Variants in PLAAT2 observed in about 807,000 individuals in gnomAD.
PLAAT2 encodes phospholipase A and acyltransferase 2, also known as HRAS like suppressor 2.
A neutral mutation model predicts 12.8 loss-of-function variants in PLAAT2; 12 were observed. The ratio of observed to expected loss-of-function variants is 0.94; its 90% CI spans 0.60 to 1.52. PLAAT2 has a LOEUF of 1.52. Among genes scored for constraint, PLAAT2 ranks in the 40% most tolerant of loss-of-function variants. The probability of loss-of-function intolerance (pLI) is 0.00; values close to 1 mark genes in which losing one functional copy is unlikely to be tolerated. For synonymous variants in PLAAT2, 79 were observed against 86.8 expected (o/e 0.91, Z 0.50); for missense variants, 166 against 208.1 (o/e 0.80, Z 1.24).
At chr11:63,561,604 C>T (rs1448292391) in intron 1 of PLAAT2, among the ~76,000 whole-genome samples, 1 of 141,172 alleles carries the variant, frequency 7.1e-6, no homozygotes, top group African/African-American at 2.7e-5. Flanking sequence ...GAGATCGTGC[C>T]ACTGCACTCC....
At position 63,561,096 on chromosome 11, in the gene PLAAT2, G is replaced by A. The variant is rs181064776; in HGVS notation, c.10-903C>T. ...GCCACAAAGGAGTTGAACTGCTGCC[G>A]AGGGTGGTGAGAGTGCCAGCCAACT... is the stretch of plus-strand genomic sequence containing the variant. On this transcript the variant is annotated intron_variant, in intron 1 of 3. Coordinates refer to ENST00000255695, the MANE Select transcript of PLAAT2 (RefSeq NM_017878.2). 6.3e-4 allele frequency among the ~76,000 whole-genome samples: 96 copies of A among 152,358 alleles called. 2 individuals are homozygous for A. The highest frequency in any genetic ancestry group is 5.7e-3 in the Admixed American group (87 of 15,304).
At chr11:63,561,087 ACTG>A (rs2017514030) in intron 1 of PLAAT2, among the ~76,000 whole-genome samples, 1 of 152,194 alleles carries the variant, frequency 6.6e-6, no homozygotes, top group Non-Finnish European at 1.5e-5. Flanking sequence ...AAGGAGTTGA[ACTG>A]CTGCCGAGGG....
At chr11:63,562,978 A>G (rs2017531689) in intron 1 of PLAAT2, among the ~76,000 whole-genome samples, 1 of 152,202 alleles carries the variant, frequency 6.6e-6, no homozygotes, top group Non-Finnish European at 1.5e-5. Context: ...GGGTAAACCA[A>G]GGGCTGCTCT....
chr11:63,563,988 A>G (rs2017542687), upstream of PLAAT2, among the ~76,000 whole-genome samples: 1 of 152,120 alleles, frequency 6.6e-6, no homozygotes, highest in South Asian at 2.1e-4. Context: ...ACCATGGGGG[A>G]AAATTTCAAA....
chr11:63,560,544 C>T (rs2017510012), intron 1 of PLAAT2, among the ~76,000 whole-genome samples: 3 of 152,148 alleles, frequency 2.0e-5, no homozygotes, highest in Non-Finnish European at 2.9e-5. Flanking sequence ...TGCATGATTC[C>T]GAAGGAAGCC....
chr11:63,558,562 T>G lies in PLAAT2; in HGVS notation c.217A>C (p.Asn73His). ...TCGTGCTTGTTATTGACCCTGTAGTTGTCTCCCCCAGCCACCACAGACAGC... is the reference window on the plus strand; with the variant it reads ...TCGTGCTTGTTATTGACCCTGTAGTGGTCTCCCCCAGCCACCACAGACAGC... Reference protein sequence around the residue: ...ELLSVVAGGDNYRVNNKHDDR... With the variant: ...ELLSVVAGGDHYRVNNKHDDR... The change falls in exon 3 of 4, where the codon AAC becomes CAC. Residue 73 changes from asparagine (N) to histidine (H), a missense_variant. Transcript: ENST00000255695. 1 of 1,614,258 alleles carries G rather than the reference T, an allele frequency of 6.2e-7. No individual in the cohort carries two copies. The highest frequency in any genetic ancestry group is 8.5e-7 in the Non-Finnish European group (1 of 1,180,048).
chr11:63,557,121 A>G (rs771998665), intron 3 of PLAAT2, among the ~76,000 whole-genome samples: 3 of 152,254 alleles, frequency 2.0e-5, no homozygotes, highest in Non-Finnish European at 2.9e-5. Flanking sequence ...ACATGTACAC[A>G]AATATGTAAT....
intron 3 of PLAAT2, among the ~76,000 whole-genome samples, chr11:63,554,794 T>C (rs1488371493): frequency 6.6e-6 from 1 of 151,986 alleles, no homozygotes; most frequent in Non-Finnish European, 1.5e-5. Flanking sequence ...GGAGTATCAA[T>C]GAATTTGAAG....
chr11:63,556,542 C>T (rs2017468401), intron 3 of PLAAT2, among the ~76,000 whole-genome samples: 2 of 152,074 alleles, frequency 1.3e-5, no homozygotes, highest in Admixed American at 6.5e-5. Flanking sequence ...GAGGGGAGAC[C>T]CTGTCAGCAG....
upstream of PLAAT2, among the ~76,000 whole-genome samples, chr11:63,564,127 A>G (rs1041710531): frequency 1.3e-5 from 2 of 152,218 alleles, no homozygotes; most frequent in African/African-American, 4.8e-5. Flanking sequence ...TATTGGAGGC[A>G]CATTCCTCTA....
Position 63,553,109 on chromosome 11 carries a change from G to A in PLAAT2, c.388-44C>T, listed in dbSNP as rs754890824. ...GAGAGCACACTCAGCATCAGGGCGG[G>A]ACCACGATACATACACCAGGAAACT... is the stretch of plus-strand genomic sequence containing the variant. On this transcript the variant is annotated intron_variant, in intron 3 of 3. Coordinates refer to ENST00000255695, the MANE Select transcript of PLAAT2 (RefSeq NM_017878.2). 51 of 1,248,938 alleles carry A rather than the reference G, an allele frequency of 4.1e-5. No individual in the cohort carries two copies. In the East Asian group the frequency reaches 1.2e-3, roughly 28 times the overall value. 77.4% of individuals were successfully genotyped at this position (1,248,938 alleles called of 1,614,324 possible).
At chr11:63,561,561 C>T (rs2017518471) in intron 1 of PLAAT2, among the ~76,000 whole-genome samples, 1 of 139,934 alleles carries the variant, frequency 7.1e-6, no homozygotes, top group Non-Finnish European at 1.5e-5. Context: ...ATGAGAATTG[C>T]TTGAACCCGG....
intron 3 of PLAAT2, among the ~76,000 whole-genome samples, chr11:63,557,008 G>A (rs1317208284): frequency 1.3e-5 from 2 of 152,174 alleles, no homozygotes; most frequent in African/African-American, 2.4e-5. Context: ...TGATTAGGCT[G>A]ATTGGTTTGA....
chr11:63,553,418 T>C (rs1348750057), intron 3 of PLAAT2, among the ~76,000 whole-genome samples: 2 of 151,892 alleles, frequency 1.3e-5, no homozygotes, highest in Non-Finnish European at 2.9e-5. Flanking sequence ...GATGGGCCGA[T>C]TGCTTGAGCC....
At position 63,552,992 on chromosome 11, in the gene PLAAT2, A is replaced by G. The variant is rs2017430998; in HGVS notation, c.461T>C (p.Leu154Pro). The change falls in exon 4 of 4, where the codon CTG becomes CCG. Residue 154 changes from leucine (L) to proline (P), a missense_variant. Physicochemically the swap from Leu to Pro is moderately conservative, Grantham distance 98. Transcript: ENST00000255695. ...TTGCCTTTCCCGCTTGCTTCTGGCC[A>G]GCAGGATCCCCACAAGGCTTGCGGC... Reference protein sequence around the residue: ...LAAASLVGILLARSKRERQ With the variant: ...LAAASLVGILPARSKRERQ The G allele has an allele frequency of 6.2e-7, 1 of 1,613,928 alleles. No individual in the cohort carries two copies.
chr11:63,563,838 A>AGAGGAATCAG (rs2017541594), upstream of PLAAT2, among the ~76,000 whole-genome samples: 2 of 152,138 alleles, frequency 1.3e-5, no homozygotes, highest in South Asian at 4.1e-4. Context: ...GCCAGACAGA[A>AGAGGAATCAG]GAGGAATCAG....
chr11:63,563,216 T>A, intron 1 of PLAAT2, 100 bp downstream of exon 1: 3 of 1,415,042 alleles, frequency 2.1e-6, no homozygotes, highest in South Asian at 2.4e-5. Flanking sequence ...CCATGTGCCC[T>A]CCATGCCAGA....
At chr11:63,555,120 G>GC (rs2017455123) in intron 3 of PLAAT2, among the ~76,000 whole-genome samples, 1 of 152,174 alleles carries the variant, frequency 6.6e-6, no homozygotes, top group African/African-American at 2.4e-5. Context: ...CTGCTAGCTG[G>GC]CAATTATCAA....
At chr11:63,564,784 C>G (rs866071543), upstream of PLAAT2, among the ~76,000 whole-genome samples, 2 of 152,146 alleles carry the variant, frequency 1.3e-5, no homozygotes, top group African/African-American at 4.8e-5. Context: ...GGGCTGACCT[C>G]CAGTCCAGCA....
Sources: gnomAD v4.1 joint callset for allele counts (sites outside exome capture counted in the v4.1 genomes callset) on GRCh38, gnomAD v4.1.1 for gene constraint, MANE v1.5 for transcripts, NCBI Gene and HGNC (gene_info 2026-07-23, HGNC 2026-07-21) for gene names.